Variants in CAMK4 observed in about 807,000 individuals in gnomAD.
CAMK4 encodes calcium/calmodulin-dependent protein kinase type IV.
A neutral mutation model predicts 44.9 loss-of-function variants in CAMK4; 22 were observed. The ratio of observed to expected loss-of-function variants is 0.49; its 90% CI spans 0.35 to 0.70. The LOEUF is 0.70. Ranked by LOEUF, CAMK4 falls within the 30% of genes least tolerant of loss-of-function variation. The probability of loss-of-function intolerance (pLI) is 0.01; values close to 1 mark genes in which losing one functional copy is unlikely to be tolerated. For missense variants in CAMK4, 498 were observed against 586.8 expected (o/e 0.85, Z 1.56); for synonymous variants, 218 against 215.4 (o/e 1.01, Z -0.11).
chr5:111,322,392 C>G (rs1748701182), intron 1 of CAMK4, among the ~76,000 whole-genome samples: 1 of 151,950 alleles, frequency 6.6e-6, no homozygotes, highest in African/African-American at 2.4e-5. Context: ...GGATCACGTC[C>G]TAGGGCAAGG....
intron 1 of CAMK4, among the ~76,000 whole-genome samples, chr5:111,301,121 C>T (rs573891558): frequency 1.4e-4 from 21 of 151,382 alleles, no homozygotes; most frequent in Admixed American, 1.4e-3. Flanking sequence ...TTTTGTAAGA[C>T]ATATGACCCC....
At position 111,460,265 on chromosome 5, in the gene CAMK4, C is replaced by CTTTTTTTTTTTTTTTTT. The variant is rs200566906; in HGVS notation, c.625+11067_625+11068insTTTTTTTTTTTTTTTTT. Among the ~76,000 whole-genome samples the CTTTTTTTTTTTTTTTTT allele has an allele frequency of 1.7e-4, 21 of 122,698 alleles. 2 individuals are homozygous for CTTTTTTTTTTTTTTTTT. The highest frequency in any genetic ancestry group is 2.4e-4 in the South Asian group (1 of 4,102). 80.5% of individuals were successfully genotyped at this position (122,698 alleles called of 152,430 possible). ...TAATGTTTTTCTTTTCTTTTCTTTTCTTTTTCTTTTTTTTTTTTTTGAGGC... is the reference window on the plus strand; with the variant it reads ...TAATGTTTTTCTTTTCTTTTCTTTTCTTTTTTTTTTTTTTTTTTTTTTCTTTTTTTTTTTTTTGAGGC... On this transcript the variant is annotated intron_variant, in intron 7 of 10. Transcript: ENST00000282356.
rs1753717596 is a variant in CAMK4, at chr5:111,438,385, T to C, written c.460-8301T>C. Among the ~76,000 whole-genome samples, 4 of 152,206 alleles carry C rather than the reference T, an allele frequency of 2.6e-5. 1 individual carries two copies. In the South Asian group the frequency reaches 8.3e-4, roughly 32 times the overall value. On this transcript the variant is annotated intron_variant, in intron 5 of 10. Coordinates refer to ENST00000282356, the MANE Select transcript of CAMK4 (RefSeq NM_001744.6). ...TGTTTAGTTAATGTGAGAATAGATA[T>C]AGTTGCCAGCTAAATGTACCCTGTA...
intron 2 of CAMK4, among the ~76,000 whole-genome samples, chr5:111,359,659 T>A (rs973407065): frequency 6.6e-6 from 1 of 152,144 alleles, no homozygotes; most frequent in Admixed American, 6.6e-5. Context: ...TCCTTGCCAA[T>A]TCCTATGTCC....
chr5:111,337,141 T>C (rs920083003), intron 1 of CAMK4, among the ~76,000 whole-genome samples: 1 of 151,162 alleles, frequency 6.6e-6, no homozygotes, highest in African/African-American at 2.4e-5. Context: ...CCTGTGAGAG[T>C]ATTATAAATG....
At chr5:111,419,734 G>C (rs997197471) in intron 5 of CAMK4, among the ~76,000 whole-genome samples, 32 of 152,218 alleles carry the variant, frequency 2.1e-4, no homozygotes, top group African/African-American at 7.7e-4. Context: ...TGTCAGGTTT[G>C]TCAAAGATCA....
intron 7 of CAMK4, among the ~76,000 whole-genome samples, chr5:111,469,172 A>AATATATATATATATAT (rs1229770102): frequency 2.2e-4 from 7 of 31,978 alleles, no homozygotes; most frequent in African/African-American, 8.5e-4. Flanking sequence ...AAAAAAAAAA[A>AATATATATATATATAT]ATATATATAT....
At chr5:111,254,664 G>A (rs1015438993) in intron 1 of CAMK4, among the ~76,000 whole-genome samples, 1 of 152,190 alleles carries the variant, frequency 6.6e-6, no homozygotes, top group African/African-American at 2.4e-5. Context: ...CTACTCCTGA[G>A]TATGTACATT....
chr5:111,423,994 T>G (rs1222413463), intron 5 of CAMK4, among the ~76,000 whole-genome samples: 1 of 152,184 alleles, frequency 6.6e-6, no homozygotes, highest in Non-Finnish European at 1.5e-5. Flanking sequence ...TTTTCCAAGA[T>G]CACACAGCTG....
Position 111,273,677 on chromosome 5 carries a change from TTATATATATATATATATATATA to T in CAMK4, c.161+49054_161+49075del, listed in dbSNP as rs1160351356. 3.3e-3 allele frequency among the ~76,000 whole-genome samples: 135 copies of T among 41,132 alleles called. 1 individual carries two copies. Among genetic ancestry groups the T allele is most frequent in the Non-Finnish European group, 5.5e-3 (103 of 18,572 alleles). 27.0% of individuals were successfully genotyped at this position (41,132 alleles called of 152,430 possible). A position where few individuals can be genotyped will look rare whatever the true frequency, so the allele number is the denominator to read the frequency against. On this transcript the variant is annotated intron_variant, in intron 1 of 10. Coordinates refer to ENST00000282356, the MANE Select transcript of CAMK4 (RefSeq NM_001744.6). ...TATCCGTCAGCTTTAAAAAATGCAT[TTATATATATATATATATATATA>T]TATATATATATATATATATACACAC...
At chr5:111,246,457 C>G (rs749141451) in intron 1 of CAMK4, among the ~76,000 whole-genome samples, 1 of 152,186 alleles carries the variant, frequency 6.6e-6, no homozygotes, top group Non-Finnish European at 1.5e-5. Context: ...TTTATTGGCT[C>G]AAGTCACTAA....
intron 5 of CAMK4, among the ~76,000 whole-genome samples, chr5:111,445,730 T>C (rs960256917): frequency 1.1e-4 from 16 of 152,222 alleles, no homozygotes; most frequent in African/African-American, 3.9e-4. Context: ...AATATACAGA[T>C]GTCCTGAATA....
At chr5:111,278,471 A>G (rs1412916504) in intron 1 of CAMK4, among the ~76,000 whole-genome samples, 2 of 152,248 alleles carry the variant, frequency 1.3e-5, no homozygotes, top group Non-Finnish European at 2.9e-5. Context: ...GAAGAAATAA[A>G]AGACAACATA....
intron 2 of CAMK4, among the ~76,000 whole-genome samples, chr5:111,349,042 A>T (rs115636052): frequency 2.0e-5 from 3 of 152,120 alleles, no homozygotes; most frequent in African/African-American, 7.2e-5. Context: ...TAAAGCTTTC[A>T]TGGTGTTAAC....
At chr5:111,329,347 T>C (rs1749051920) in intron 1 of CAMK4, among the ~76,000 whole-genome samples, 1 of 151,876 alleles carries the variant, frequency 6.6e-6, no homozygotes, top group Non-Finnish European at 1.5e-5. Context: ...TCACCACTCC[T>C]ATTCAACATG....
chr5:111,242,651 T>C (rs1309409487), intron 1 of CAMK4, among the ~76,000 whole-genome samples: 1 of 152,142 alleles, frequency 6.6e-6, no homozygotes, highest in Non-Finnish European at 1.5e-5. Context: ...TGAAAGTCCT[T>C]TGCATGAACA....
chr5:111,332,741 G>A (rs1315659108), intron 1 of CAMK4, among the ~76,000 whole-genome samples: 1 of 151,604 alleles, frequency 6.6e-6, no homozygotes, highest in African/African-American at 2.4e-5. Flanking sequence ...CCTGACTTCA[G>A]GGATTACAAC....
In CAMK4 at chr5:111,382,985, A is replaced by G. The variant is rs545014836; in HGVS notation, c.386+6043A>G. 9.2e-5 allele frequency among the ~76,000 whole-genome samples: 14 copies of G among 152,322 alleles called. No homozygotes were observed. In the South Asian group the frequency reaches 1.9e-3, roughly 20 times the overall value. ...ATCTGGCTATATGTAAAGAAAACTTATACTTTGATTTGGACTAGACTTATA... is the reference window on the plus strand; with the variant it reads ...ATCTGGCTATATGTAAAGAAAACTTGTACTTTGATTTGGACTAGACTTATA... On this transcript the variant is annotated intron_variant, in intron 4 of 10. Coordinates refer to ENST00000282356, the MANE Select transcript of CAMK4 (RefSeq NM_001744.6).
intron 1 of CAMK4, among the ~76,000 whole-genome samples, chr5:111,309,639 A>G (rs4478365): frequency 0.037 from 5,658 of 152,068 alleles, 347 homozygotes; most frequent in African/African-American, 0.13. Flanking sequence ...GGCACAGGTT[A>G]TTTCTTCTAT....
Sources: gnomAD v4.1 joint callset for allele counts (sites outside exome capture counted in the v4.1 genomes callset) on GRCh38, gnomAD v4.1.1 for gene constraint, MANE v1.5 for transcripts, NCBI Gene and HGNC (gene_info 2026-07-23, HGNC 2026-07-21) for gene names.